The following ART3 variants were observed in gnomAD, a reference collection of about 807,000 sequenced individuals.
ART3 encodes ecto-ADP-ribosyltransferase 3.
A neutral mutation model predicts 48.5 loss-of-function variants in ART3; 49 were observed. The ratio of observed to expected loss-of-function variants is 1.01; its 90% CI spans 0.80 to 1.28. The LOEUF is 1.28. ART3 is among the 50% of genes most tolerant of loss of function. ART3 has a pLI of 0.00. For missense variants in ART3, 438 were observed against 454.3 expected, an observed-to-expected ratio of 0.96 and a Z score of 0.33; for synonymous variants, 145 against 157.2, an observed-to-expected ratio of 0.92 and a Z score of 0.58.
upstream of ART3, among the ~76,000 whole-genome samples, chr4:76,070,459 A>G (rs761168802): frequency 6.6e-6 from 1 of 152,084 alleles, no homozygotes; most frequent in African/African-American, 2.4e-5. Context: ...CTTGTTTGTC[A>G]TTTATATATC....
intron 2 of ART3, among the ~76,000 whole-genome samples, chr4:76,079,124 A>G (rs770509852): frequency 6.7e-5 from 10 of 149,870 alleles, no homozygotes; most frequent in Non-Finnish European, 1.3e-4. Flanking sequence ...ACTGCCTGAG[A>G]TCAAATTCCA....
intron 9 of ART3, 35 bp downstream of exon 9, chr4:76,104,004 G>C: frequency 6.2e-7 from 1 of 1,602,030 alleles, no homozygotes; most frequent in Non-Finnish European, 8.5e-7. Flanking sequence ...CTGAGCCCAA[G>C]AATGAGTTGA....
At chr4:76,080,806 G>A (rs1446384208) in intron 2 of ART3, among the ~76,000 whole-genome samples, 1 of 152,092 alleles carries the variant, frequency 6.6e-6, no homozygotes, top group Non-Finnish European at 1.5e-5. Flanking sequence ...ACTGCACCTG[G>A]CCTTTTATCC....
chr4:76,050,257 G>A (rs1470591443), intron 1 of ART3, among the ~76,000 whole-genome samples: 3 of 152,070 alleles, frequency 2.0e-5, no homozygotes, highest in Non-Finnish European at 2.9e-5. Context: ...CCCCACCCAC[G>A]TCCTGCTAAT....
At chr4:76,030,283 G>T (rs1733756415) in intron 1 of ART3, among the ~76,000 whole-genome samples, 1 of 151,940 alleles carries the variant, frequency 6.6e-6, no homozygotes, top group Admixed American at 6.6e-5. Context: ...GTCTTGAACT[G>T]CTGACCTCGT....
At chr4:76,015,491 A>C (rs1732174124) in intron 1 of ART3, among the ~76,000 whole-genome samples, 2 of 152,370 alleles carry the variant, frequency 1.3e-5, no homozygotes, top group African/African-American at 4.8e-5. Flanking sequence ...AAAGGAAGTA[A>C]TGGAGAAATT....
intron 1 of ART3, among the ~76,000 whole-genome samples, chr4:76,066,695 A>ACTCCAGTGCCACT (rs1214413706): frequency 1.3e-5 from 2 of 152,058 alleles, no homozygotes; most frequent in African/African-American, 2.4e-5. Context: ...TGGAAAAGGC[A>ACTCCAGTGCCACT]CCAGTGTCCA....
chr4:76,097,578 GATTA>G, intron 3 of ART3, 62 bp from the exon 4 acceptor site: 1 of 1,346,626 alleles, frequency 7.4e-7, no homozygotes, highest in Non-Finnish European at 1.1e-6. Flanking sequence ...AACAGCCATA[GATTA>G]ATTGAAATAT....
At chr4:76,031,754 A>G (rs148473487) in intron 1 of ART3, among the ~76,000 whole-genome samples, 7 of 152,294 alleles carry the variant, frequency 4.6e-5, no homozygotes, top group African/African-American at 1.7e-4. Context: ...AGGGTCTGAT[A>G]TGCACCAGAA....
intron 1 of ART3, among the ~76,000 whole-genome samples, chr4:76,050,760 G>C (rs912769957): frequency 6.6e-6 from 1 of 152,192 alleles, no homozygotes; most frequent in Non-Finnish European, 1.5e-5. Flanking sequence ...GAGGGGGTGG[G>C]AGGCTCAGGC....
intron 1 of ART3, among the ~76,000 whole-genome samples, chr4:76,017,309 G>C (rs1732356717): frequency 6.6e-6 from 1 of 151,772 alleles, no homozygotes; most frequent in African/African-American, 2.4e-5. Flanking sequence ...ACCAGCAGTG[G>C]GTCCTTCCCT....
At chr4:76,078,980 C>T (rs1721784340) in intron 2 of ART3, among the ~76,000 whole-genome samples, 1 of 152,066 alleles carries the variant, frequency 6.6e-6, no homozygotes, top group African/African-American at 2.4e-5. Flanking sequence ...ACTGGGGAGG[C>T]TGAAGCGGGA....
chr4:76,017,033 T>A (rs780550949), intron 1 of ART3, among the ~76,000 whole-genome samples: 3 of 151,716 alleles, frequency 2.0e-5, no homozygotes, highest in Non-Finnish European at 2.9e-5. Context: ...AGGCTGGAAT[T>A]GGGGGCCCAA....
chr4:76,038,216 A>G (rs963245267), intron 1 of ART3, among the ~76,000 whole-genome samples: 1 of 152,096 alleles, frequency 6.6e-6, no homozygotes, highest in Non-Finnish European at 1.5e-5. Context: ...GAAGAGAGAG[A>G]GACTACACAG....
At chr4:76,092,325 A>G (rs1299850445) in intron 3 of ART3, among the ~76,000 whole-genome samples, 1 of 152,192 alleles carries the variant, frequency 6.6e-6, no homozygotes, top group Non-Finnish European at 1.5e-5. Context: ...ATCTTTCGTC[A>G]GATTTACCTT....
intron 1 of ART3, among the ~76,000 whole-genome samples, chr4:76,050,949 G>T (rs972938951): frequency 6.6e-6 from 1 of 152,346 alleles, no homozygotes; most frequent in East Asian, 1.9e-4. Flanking sequence ...GGGCTGCTCC[G>T]AGTGCGGGGC....
chr4:76,101,824 T>A (rs1224100155), intron 8 of ART3, among the ~76,000 whole-genome samples: 2 of 152,240 alleles, frequency 1.3e-5, no homozygotes, highest in Non-Finnish European at 2.9e-5. Context: ...CTGGCGAGAT[T>A]ATAAATTGGA....
Position 76,053,427 on chromosome 4 carries a change from A to ACCG in ART3, c.-9-22454_-9-22453insCCG, listed in dbSNP as rs1736327145. ...GTAGAAGAGTTACTAAAAAAAAACT[A>ACCG]GCTATTATTTGTCTCTTTTTTCAAC... On this transcript the variant is annotated intron_variant, in intron 1 of 9. Coordinates refer to the ART3 transcript ENST00000341029. Among the ~76,000 whole-genome samples, 3 of 137,106 alleles carry ACCG rather than the reference A, an allele frequency of 2.2e-5. No homozygotes were observed. The Admixed American group carries it at 2.3e-4, about 10-fold the overall frequency. 89.9% of individuals were successfully genotyped at this position (137,106 alleles called of 152,430 possible). A position where few individuals can be genotyped will look rare whatever the true frequency, so the allele number is the denominator to read the frequency against.
intron 2 of ART3, among the ~76,000 whole-genome samples, chr4:76,076,617 G>T (rs963657512): frequency 1.3e-4 from 20 of 151,926 alleles, no homozygotes; most frequent in Admixed American, 5.2e-4. Context: ...TTTTTTCTTT[G>T]CATTTTAAGT....
Sources: allele counts gnomAD v4.1 joint callset (sites outside exome capture counted in the v4.1 genomes callset), GRCh38; gene constraint gnomAD v4.1.1; transcripts MANE v1.5; gene names NCBI Gene and HGNC (gene_info 2026-07-23, HGNC 2026-07-21).